PPP1R1C: variants seen among roughly 807,000 people sequenced by gnomAD.
The protein encoded by PPP1R1C is protein phosphatase 1 regulatory inhibitor subunit 1C, also known as protein phosphatase 1 regulatory subunit 1C.
PPP1R1C carries 15 observed loss-of-function variants against 17.4 expected under a neutral mutation model. The observed-to-expected ratio is 0.86, with a 90% CI of 0.58 to 1.33. PPP1R1C has a LOEUF of 1.33. Among genes scored for constraint, PPP1R1C ranks in the 40% most tolerant of loss-of-function variants. The probability of loss-of-function intolerance (pLI) is 0.00; values close to 1 mark genes in which losing one functional copy is unlikely to be tolerated. For missense variants in PPP1R1C, 143 were observed against 130.0 expected (o/e 1.10, Z -0.48); for synonymous variants, 35 against 43.1 (o/e 0.81, Z 0.73).
chr2:182,051,960 G>A (rs569597773), intron 2 of PPP1R1C, among the ~76,000 whole-genome samples: 5 of 151,556 alleles, frequency 3.3e-5, no homozygotes, highest in Admixed American at 6.6e-5. Flanking sequence ...CTGAGATCGC[G>A]CCGTTGCACT....
At chr2:182,131,233 T>C (rs1342053634), downstream of PPP1R1C, 2 of 152,166 alleles carry the variant, frequency 1.3e-5, no homozygotes, top group East Asian at 3.8e-4. Context: ...ATAATTTATA[T>C]ATGTGCTTGT....
downstream of PPP1R1C, among the ~76,000 whole-genome samples, chr2:182,119,214 G>C (rs1689668251): frequency 6.6e-6 from 1 of 151,900 alleles, no homozygotes; most frequent in Non-Finnish European, 1.5e-5. Context: ...CTTTATCCAT[G>C]TCCCTACAAA....
chr2:182,063,185 C>CT (rs373396727), intron 3 of PPP1R1C, among the ~76,000 whole-genome samples: 64 of 151,082 alleles, frequency 4.2e-4, no homozygotes, highest in African/African-American at 7.5e-4. Context: ...AAGGACTTAT[C>CT]TTTTTTTTTA....
chr2:182,083,528 TC>T (rs916164906), intron 4 of PPP1R1C, among the ~76,000 whole-genome samples: 38 of 152,300 alleles, frequency 2.5e-4, no homozygotes, highest in African/African-American at 9.1e-4. Flanking sequence ...GGCTTCCCAT[TC>T]CTGAGTCACT....
intron 4 of PPP1R1C, chr2:182,103,872 T>C (rs1689172929): frequency 6.6e-6 from 1 of 152,192 alleles, no homozygotes; most frequent in East Asian, 1.9e-4. Context: ...GAGCAGATTT[T>C]GAGACTATAA....
chr2:181,961,723 CG>C lies in PPP1R1C; in HGVS notation n.111+7091del, dbSNP rs1472352976. ...TCGAGTCAGCTCATCATATTGGGCC[CG>C]GATATCTGCTATGATCTTGGCAAGG... On this transcript the variant is annotated intron_variant and non_coding_transcript_variant, in intron 1 of 5. Coordinates refer to the PPP1R1C transcript ENST00000464264. This position sits in a 1 kb window ranked among gnomAD's most constrained non-coding sequence, Gnocchi z 5.8. 65 of 849,952 alleles carry C rather than the reference CG, an allele frequency of 7.6e-5. No homozygotes were observed. The South Asian group carries it at 8.5e-4, about 11-fold the overall frequency. 52.7% of individuals were successfully genotyped at this position (849,952 alleles called of 1,614,324 possible). A position where few individuals can be genotyped will look rare whatever the true frequency, so the allele number is the denominator to read the frequency against.
chr2:182,039,813 C>T (rs1687127818), intron 2 of PPP1R1C, among the ~76,000 whole-genome samples: 1 of 152,170 alleles, frequency 6.6e-6, no homozygotes, highest in Admixed American at 6.5e-5. Flanking sequence ...CTCACCCTCT[C>T]CCAATTCTGA....
chr2:182,011,963 A>G (rs1686098561), intron 2 of PPP1R1C, among the ~76,000 whole-genome samples: 1 of 151,800 alleles, frequency 6.6e-6, no homozygotes, highest in African/African-American at 2.4e-5. Flanking sequence ...ATGTTATTCC[A>G]CTGTGGTCTG....
intron 4 of PPP1R1C, among the ~76,000 whole-genome samples, chr2:182,107,083 C>T (rs1002789993): frequency 1.3e-5 from 2 of 152,194 alleles, no homozygotes; most frequent in Non-Finnish European, 2.9e-5. Context: ...ATGAATTCAA[C>T]ATCTTTTTGG....
intron 1 of PPP1R1C, among the ~76,000 whole-genome samples, chr2:181,987,275 C>A (rs1685326258): frequency 1.3e-5 from 2 of 150,740 alleles, no homozygotes; most frequent in South Asian, 2.1e-4. Flanking sequence ...AAAAAAAAAA[C>A]TTTAGAGTTT....
At chr2:181,975,897 A>G (rs980516849) in intron 2 of PPP1R1C, among the ~76,000 whole-genome samples, 3 of 152,084 alleles carry the variant, frequency 2.0e-5, no homozygotes, top group African/African-American at 7.2e-5. Context: ...CTTGTCCTTC[A>G]TTAGAAGACA....
intron 4 of PPP1R1C, among the ~76,000 whole-genome samples, chr2:182,106,348 A>T (rs1689250308): frequency 6.6e-6 from 1 of 152,232 alleles, no homozygotes; most frequent in African/African-American, 2.4e-5. Context: ...AGGCATACAA[A>T]CGAGCAGCTA....
intron 5 of PPP1R1C, among the ~76,000 whole-genome samples, chr2:182,123,671 G>A (rs1226464519): frequency 4.6e-5 from 7 of 152,076 alleles, no homozygotes; most frequent in South Asian, 2.1e-4. Flanking sequence ...GTGTCTGTTC[G>A]TATCCTTTGC....
intron 4 of PPP1R1C, among the ~76,000 whole-genome samples, chr2:182,091,976 G>T (rs896312823): frequency 2.6e-5 from 4 of 152,036 alleles, no homozygotes; most frequent in Non-Finnish European, 5.9e-5. Flanking sequence ...ATAATTATGT[G>T]TTAAATAAAA....
intron 1 of PPP1R1C, among the ~76,000 whole-genome samples, chr2:181,964,576 T>A (rs1378428763): frequency 6.6e-6 from 1 of 152,212 alleles, no homozygotes; most frequent in Non-Finnish European, 1.5e-5. Context: ...CTAATTTACA[T>A]TCCCACCAAT....
At chr2:182,047,713 A>G (rs1687387947) in intron 2 of PPP1R1C, among the ~76,000 whole-genome samples, 1 of 152,198 alleles carries the variant, frequency 6.6e-6, no homozygotes, top group Non-Finnish European at 1.5e-5. Flanking sequence ...AATATGTCTT[A>G]TAAGAGAAAC....
intron 4 of PPP1R1C, among the ~76,000 whole-genome samples, chr2:182,106,577 A>G (rs936638169): frequency 6.6e-6 from 1 of 152,160 alleles, no homozygotes; most frequent in South Asian, 2.1e-4. Context: ...TCCACCACTC[A>G]GTAAAACCTT....
chr2:182,108,869 C>T (rs1021525938), intron 4 of PPP1R1C, among the ~76,000 whole-genome samples: 3 of 152,136 alleles, frequency 2.0e-5, no homozygotes, highest in African/African-American at 7.2e-5. Flanking sequence ...GTTTTCGATT[C>T]ATTTGGGTAA....
At chr2:182,120,063 C>T (rs56851890), downstream of PPP1R1C, among the ~76,000 whole-genome samples, 39,939 of 151,894 alleles carry the variant, frequency 0.26, 6,582 homozygotes, top group Non-Finnish European at 0.35. Flanking sequence ...GTCTTTAATC[C>T]ATCTCGAATT....
Sources: gnomAD v4.1 joint callset for allele counts (sites outside exome capture counted in the v4.1 genomes callset) on GRCh38, gnomAD v4.1.1 for gene constraint, Gnocchi (gnomAD v3.1) non-coding constraint, MANE v1.5 for transcripts, NCBI Gene and HGNC (gene_info 2026-07-23, HGNC 2026-07-21) for gene names.